Variants in AHCYL2 observed in about 807,000 individuals in gnomAD.
AHCYL2 encodes S-adenosylhomocysteine hydrolase-like protein 2.
A neutral mutation model predicts 81.4 loss-of-function variants in AHCYL2; 28 were observed. The ratio of observed to expected loss-of-function variants is 0.34; its 90% CI spans 0.25 to 0.47. The LOEUF is 0.47. AHCYL2 is among the 20% of genes least tolerant of loss of function. The pLI, the probability that AHCYL2 is intolerant of heterozygous loss-of-function variation, is 1.00. For missense variants in AHCYL2, 551 were observed against 785.1 expected (o/e 0.70, Z 3.56); for synonymous variants, 272 against 290.2 (o/e 0.94, Z 0.64).
chr7:129,325,905 A>T (rs936789026), intron 1 of AHCYL2, among the ~76,000 whole-genome samples: 2 of 151,806 alleles, frequency 1.3e-5, no homozygotes, highest in Admixed American at 1.3e-4. Flanking sequence ...GGATTTCACC[A>T]TGTTGGCTAG....
intron 1 of AHCYL2, among the ~76,000 whole-genome samples, chr7:129,253,165 C>CCACTT (rs1018869189): frequency 6.6e-6 from 1 of 151,820 alleles, no homozygotes; most frequent in Admixed American, 6.6e-5. Flanking sequence ...CGAGATTGTA[C>CCACTT]CACTGCACTC....
At chr7:129,265,157 C>A (rs923769091) in intron 1 of AHCYL2, among the ~76,000 whole-genome samples, 3 of 152,190 alleles carry the variant, frequency 2.0e-5, no homozygotes, top group Non-Finnish European at 2.9e-5. Context: ...AGACTCCTGT[C>A]ATTTTTCTCT....
intron 1 of AHCYL2, among the ~76,000 whole-genome samples, chr7:129,262,318 A>G (rs533959780): frequency 5.3e-5 from 8 of 152,340 alleles, no homozygotes; most frequent in African/African-American, 1.7e-4. Context: ...AAGCTATAGG[A>G]GGAGTCATGA....
intron 1 of AHCYL2, among the ~76,000 whole-genome samples, chr7:129,332,529 C>G (rs1798456254): frequency 1.3e-5 from 2 of 152,134 alleles, no homozygotes; most frequent in Admixed American, 1.3e-4. Context: ...AGATCTGGGA[C>G]CGGGGCCACT....
At chr7:129,359,038 G>A (rs1289568262) in intron 1 of AHCYL2, among the ~76,000 whole-genome samples, 2 of 151,996 alleles carry the variant, frequency 1.3e-5, no homozygotes, top group Admixed American at 6.6e-5. Flanking sequence ...TATGGGTACC[G>A]AAAGACATAC....
At chr7:129,389,519 TA>T in intron 3 of AHCYL2, 114 bp from the exon 4 acceptor site, 1 of 874,878 alleles carries the variant, frequency 1.1e-6, no homozygotes, top group Non-Finnish European at 1.7e-6. Context: ...TGGAGAAACC[TA>T]ATCTAACCTG....
intron 1 of AHCYL2, among the ~76,000 whole-genome samples, chr7:129,270,962 A>G (rs1161391457): frequency 6.6e-6 from 1 of 152,190 alleles, no homozygotes; most frequent in African/African-American, 2.4e-5. Context: ...GTAGTCTTGA[A>G]TCTGCAACAG....
intron 1 of AHCYL2, among the ~76,000 whole-genome samples, chr7:129,264,363 C>T (rs996800741): frequency 6.6e-6 from 1 of 152,130 alleles, no homozygotes; most frequent in Non-Finnish European, 1.5e-5. Context: ...GTCTGTGGAA[C>T]ATCTAAGTGG....
chr7:129,422,768 C>T, intron 12 of AHCYL2, 72 bp from the exon 13 acceptor site: 2 of 1,357,710 alleles, frequency 1.5e-6, no homozygotes, highest in African/African-American at 1.4e-5. Flanking sequence ...TGAAATGGCT[C>T]CCTTCAACAT....
chr7:129,403,230 A>T, intron 6 of AHCYL2, 149 bp from the exon 7 acceptor site: 1 of 466,420 alleles, frequency 2.1e-6, no homozygotes, highest in Non-Finnish European at 3.9e-6. Context: ...TATTGTATTT[A>T]CTCTGGCTTT....
chr7:129,295,127 A>G (rs1007951216), intron 1 of AHCYL2, among the ~76,000 whole-genome samples: 1 of 152,242 alleles, frequency 6.6e-6, no homozygotes, highest in South Asian at 2.1e-4. Flanking sequence ...GAATTGAAAA[A>G]TGGCACAGGA....
chr7:129,236,131 C>T lies in AHCYL2; in HGVS notation c.363+10692C>T, dbSNP rs541686290. Among the ~76,000 whole-genome samples, 56 of 151,702 alleles carry T rather than the reference C, an allele frequency of 3.7e-4. 2 individuals are homozygous for T. In the South Asian group the frequency reaches 0.011, roughly 31 times the overall value. ...CCACTTCCTGGGCTCAAGCAATCCT[C>T]CCATCTCAGCCTCCTGAGTTAGCTG... On this transcript the variant is annotated intron_variant, in intron 1 of 16. Transcript: ENST00000325006.
intron 11 of AHCYL2, among the ~76,000 whole-genome samples, chr7:129,412,210 G>C (rs1187810118): frequency 6.6e-6 from 1 of 151,920 alleles, no homozygotes; most frequent in Non-Finnish European, 1.5e-5. Context: ...ACTTAGCTGG[G>C]TGTGGTCCCA....
rs149757513 is a variant in AHCYL2, at chr7:129,227,429, C to T, written c.363+1990C>T. On this transcript the variant is annotated intron_variant, in intron 1 of 16. Coordinates refer to ENST00000325006, the MANE Select transcript of AHCYL2 (RefSeq NM_015328.4). ...CGAGTCCAGGAGTTTGAGAACAGTCCGGGCAACATGGTGAAAACCTCTCTC... is the reference window on the plus strand; with the variant it reads ...CGAGTCCAGGAGTTTGAGAACAGTCTGGGCAACATGGTGAAAACCTCTCTC... 1.1e-3 allele frequency among the ~76,000 whole-genome samples: 160 copies of T among 142,934 alleles called. 2 individuals are homozygous for T. In the East Asian group the frequency reaches 0.012, roughly 11 times the overall value. 93.8% of individuals were successfully genotyped at this position (142,934 alleles called of 152,430 possible).
chr7:129,351,696 GC>G (rs1388053913), intron 1 of AHCYL2: 1 of 152,134 alleles, frequency 6.6e-6, no homozygotes, highest in Non-Finnish European at 1.5e-5. Context: ...TCTCCACAAA[GC>G]TTTTGTTAAT....
intron 1 of AHCYL2, among the ~76,000 whole-genome samples, chr7:129,246,867 GT>G (rs1795080459): frequency 6.6e-6 from 1 of 152,100 alleles, no homozygotes; most frequent in Admixed American, 6.6e-5. Flanking sequence ...TTGATGTAAT[GT>G]TTTTGAGGTT....
chr7:129,262,351 G>A (rs1795670730), intron 1 of AHCYL2, among the ~76,000 whole-genome samples: 2 of 152,200 alleles, frequency 1.3e-5, no homozygotes, highest in Non-Finnish European at 2.9e-5. Context: ...GGAGAAACAT[G>A]TACATGCACA....
intron 1 of AHCYL2, among the ~76,000 whole-genome samples, chr7:129,261,957 A>C (rs950083483): frequency 1.3e-5 from 2 of 152,220 alleles, no homozygotes; most frequent in Non-Finnish European, 2.9e-5. Flanking sequence ...GCAAAATAAG[A>C]GTTGAATAGG....
chr7:129,338,080 C>T lies in AHCYL2; in HGVS notation c.364-41558C>T, dbSNP rs141878521. Reference sequence around the variant, plus strand: ...ACAACAAAAATGCTTTAATGAATATCTTCATTATTTCATACATGGGGAAGT... The same window carrying T: ...ACAACAAAAATGCTTTAATGAATATTTTCATTATTTCATACATGGGGAAGT... On this transcript the variant is annotated intron_variant, in intron 1 of 16. Transcript: ENST00000325006. 5.8e-3 allele frequency among the ~76,000 whole-genome samples: 882 copies of T among 152,096 alleles called. 7 individuals carry two copies. The highest frequency in any genetic ancestry group is 0.02 in the African/African-American group (833 of 41,490).
Sources: allele counts gnomAD v4.1 joint callset (sites outside exome capture counted in the v4.1 genomes callset), GRCh38; gene constraint gnomAD v4.1.1; transcripts MANE v1.5; gene names NCBI Gene and HGNC (gene_info 2026-07-23, HGNC 2026-07-21).